Variants in RDH13 observed in about 807,000 individuals in gnomAD.
RDH13 encodes retinol dehydrogenase 13.
In RDH13, 35 loss-of-function variants were observed where a neutral mutation model predicts 28.3. The ratio of observed to expected loss-of-function variants is 1.24; its 90% CI spans 0.95 to 1.64. The LOEUF is 1.64. RDH13 is among the 40% of genes most tolerant of loss of function. The probability of loss-of-function intolerance (pLI) is 0.00; values close to 1 mark genes in which losing one functional copy is unlikely to be tolerated. For missense variants in RDH13, 514 were observed against 446.3 expected (o/e 1.15, Z -1.37); for synonymous variants, 229 against 198.5 (o/e 1.15, Z -1.29).
chr19:55,045,356 A>G (rs1443708505), intron 6 of RDH13, 47 bp from the exon 7 acceptor site: 2 of 1,485,520 alleles, frequency 1.3e-6, no homozygotes, highest in Non-Finnish European at 1.8e-6. Flanking sequence ...CTCAGAGAGA[A>G]GGAAGGAAGC....
chr19:55,040,393 T>G (rs187216539), downstream of RDH13: 3 of 152,388 alleles, frequency 2.0e-5, no homozygotes, highest in Non-Finnish European at 2.9e-5. Context: ...CTCCTGACCT[T>G]GTGATTTGGC....
upstream of RDH13, chr19:55,063,394 C>T (rs1428757157): frequency 3.6e-6 from 1 of 280,854 alleles, no homozygotes; most frequent in Non-Finnish European, 6.6e-6. Flanking sequence ...AGGTTCGAAT[C>T]CCACCACTGT....
At position 55,048,723 on chromosome 19, in the gene RDH13, C is replaced by T. The variant is rs1162733622; in HGVS notation, c.381G>A (p.Val127=). ...RVDILINNAG[V]MRCPHWTTED... The stretch of plus-strand genomic sequence containing the variant: ...CGGTGGTCCAGTGGGGGCACCGCAT[C>T]ACACCCGCGTTGTTGATTAGAATGT... Residue 127 remains valine (V), a synonymous_variant, in exon 4 of 7, where the codon GTG becomes GTA. Coordinates refer to ENST00000415061, the MANE Select transcript of RDH13 (RefSeq NM_001145971.2). 6.2e-7 allele frequency: 1 copy of T among 1,613,918 alleles called. No individual in the cohort carries two copies. Among genetic ancestry groups the T allele is most frequent in the Non-Finnish European group, 8.5e-7 (1 of 1,180,042 alleles).
upstream of RDH13, among the ~76,000 whole-genome samples, chr19:55,068,102 A>G (rs1602859669): frequency 1.0e-5 from 1 of 96,794 alleles, no homozygotes; most frequent in African/African-American, 4.2e-5. Flanking sequence ...TTCTCCTCTC[A>G]CTCTTCCTGT....
At chr19:55,064,299 T>C (rs1034363530), upstream of RDH13, 1 of 151,960 alleles carries the variant, frequency 6.6e-6, no homozygotes, top group African/African-American at 2.4e-5. Context: ...CACTCACCTG[T>C]AGTCCCAGCT....
chr19:55,059,279 A>C lies in RDH13; in HGVS notation c.66-4T>G. Reference sequence around the variant, plus strand: ...AGCCCCACCGGTGACATAGTCCCTGAGGGTGAGAAGCGGCACGGTCAGTCC... The same window carrying C: ...AGCCCCACCGGTGACATAGTCCCTGCGGGTGAGAAGCGGCACGGTCAGTCC... On this transcript the variant is annotated splice_polypyrimidine_tract_variant and splice_region_variant and intron_variant, in intron 1 of 6. Coordinates refer to ENST00000415061, the MANE Select transcript of RDH13 (RefSeq NM_001145971.2). 1.3e-6 allele frequency: 2 copies of C among 1,580,570 alleles called. No individual in the cohort carries two copies. Among genetic ancestry groups the C allele is most frequent in the Non-Finnish European group, 1.7e-6 (2 of 1,161,204 alleles).
rs778571339 is a variant in RDH13, at chr19:55,048,318, C to T, written c.658+11G>A. 6 of 1,613,956 alleles carry T rather than the reference C, an allele frequency of 3.7e-6. No homozygotes were observed. Among genetic ancestry groups the T allele is most frequent in the Admixed American group, 1.7e-5 (1 of 60,020 alleles). Reference sequence around the variant, plus strand: ...AAAGCAAGAGGGAGGCCGAGCCTAGCGCCCCCGTACCTTGCAGCCGCCGGC... The same window carrying T: ...AAAGCAAGAGGGAGGCCGAGCCTAGTGCCCCCGTACCTTGCAGCCGCCGGC... On this transcript the variant is annotated intron_variant, in intron 5 of 6. Coordinates refer to ENST00000415061, the MANE Select transcript of RDH13 (RefSeq NM_001145971.2).
At chr19:55,060,196 C>G (rs1371519668) in intron 1 of RDH13, among the ~76,000 whole-genome samples, 1 of 139,064 alleles carries the variant, frequency 7.2e-6, no homozygotes, top group Admixed American at 7.5e-5. Context: ...GCCACTGTCT[C>G]CTGCCTGACC....
chr19:55,057,812 TA>T (rs1218940010), intron 2 of RDH13, among the ~76,000 whole-genome samples: 2 of 79,002 alleles, frequency 2.5e-5, no homozygotes, highest in East Asian at 5.6e-4. Flanking sequence ...TGTTTATTAT[TA>T]TTTTTTTTTT....
intron 3 of RDH13, among the ~76,000 whole-genome samples, chr19:55,049,738 G>A (rs1162168665): frequency 1.3e-5 from 2 of 149,538 alleles, no homozygotes; most frequent in Non-Finnish European, 3.0e-5. Context: ...GCAGTGAGCC[G>A]AGATCGCATC....
At chr19:55,040,433 G>C (rs61009189), downstream of RDH13, 5,011 of 152,386 alleles carry the variant, frequency 0.033, 88 homozygotes, top group African/African-American at 0.039. Context: ...ACAGGCATGA[G>C]CCACCGCGCC....
upstream of RDH13, among the ~76,000 whole-genome samples, chr19:55,066,516 ATCTC>A (rs200084580): frequency 9.8e-6 from 1 of 102,342 alleles, no homozygotes; most frequent in Non-Finnish European, 1.9e-5. Flanking sequence ...TCTCTCTCAC[ATCTC>A]TCTTTCCCTT....
downstream of RDH13, chr19:55,040,528 CCATCATCTTCCCTA>C (rs2075001333): frequency 6.6e-6 from 1 of 152,202 alleles, no homozygotes; most frequent in Non-Finnish European, 1.5e-5. Flanking sequence ...AACCTCCCTG[CCATCATCTTCCCTA>C]CATCTCTCAT....
upstream of RDH13, among the ~76,000 whole-genome samples, chr19:55,064,984 T>C (rs547028047): frequency 2.9e-4 from 43 of 149,076 alleles, no homozygotes; most frequent in Non-Finnish European, 5.5e-4. Flanking sequence ...TGGACGGTGG[T>C]GATGGTTGCA....
chr19:55,050,150 C>CT (rs1568697962), intron 3 of RDH13, among the ~76,000 whole-genome samples: 1 of 148,492 alleles, frequency 6.7e-6, no homozygotes, highest in East Asian at 2.0e-4. Context: ...GAGTTTCACT[C>CT]TTGTCACCCA....
chr19:55,051,987 C>T (rs1180255358), intron 3 of RDH13, among the ~76,000 whole-genome samples: 3 of 151,950 alleles, frequency 2.0e-5, no homozygotes, highest in African/African-American at 7.2e-5. Flanking sequence ...CCACCTCGGC[C>T]TCCCAAAGTG....
At chr19:55,056,574 T>A in intron 3 of RDH13, 79 bp downstream of exon 3, 1 of 1,522,470 alleles carries the variant, frequency 6.6e-7, no homozygotes, top group South Asian at 1.3e-5. Flanking sequence ...AAAGTTTGCT[T>A]GCTTCATTCA....
chr19:55,044,974 T>C lies in RDH13; in HGVS notation c.*100A>G. ...CTGCGGGCATGGCGGCCGCCAGTCC[T>C]GGGTCTCCCGGCTCAGGTAGTGCCA... On this transcript the variant is annotated 3_prime_UTR_variant, in exon 7 of 7. Coordinates refer to ENST00000415061, the MANE Select transcript of RDH13 (RefSeq NM_001145971.2). The C allele has an allele frequency of 1.1e-6, 1 of 915,952 alleles. No individual in the cohort carries two copies. The highest frequency in any genetic ancestry group is 1.6e-6 in the Non-Finnish European group (1 of 606,096). The allele number at this position is 915,952 out of a possible 1,614,324, so 56.7% of individuals were successfully genotyped here.
intron 3 of RDH13, among the ~76,000 whole-genome samples, chr19:55,055,361 C>G (rs1445038890): frequency 6.6e-6 from 1 of 151,724 alleles, no homozygotes; most frequent in Non-Finnish European, 1.5e-5. Context: ...CCATGTTGGC[C>G]AGGCTGGTCT....
Sources: gnomAD v4.1 joint callset for allele counts (sites outside exome capture counted in the v4.1 genomes callset) on GRCh38, gnomAD v4.1.1 for gene constraint, MANE v1.5 for transcripts, NCBI Gene and HGNC (gene_info 2026-07-23, HGNC 2026-07-21) for gene names.